The following SLC28A1 variants were observed in gnomAD, a reference collection of about 807,000 sequenced individuals.
The protein encoded by SLC28A1 is sodium/nucleoside cotransporter 1.
A neutral mutation model predicts 74.8 loss-of-function variants in SLC28A1; 64 were observed. The ratio of observed to expected loss-of-function variants is 0.86; its 90% CI spans 0.70 to 1.05. The LOEUF is 1.05. Ranked by LOEUF, SLC28A1 falls within the 50% of genes least tolerant of loss-of-function variation. The pLI is 0.00. For synonymous variants in SLC28A1, 359 were observed against 335.0 expected, an observed-to-expected ratio of 1.07 and a Z score of -0.78; for missense variants, 828 against 822.8, an observed-to-expected ratio of 1.01 and a Z score of -0.08.
chr15:84,903,815 A>G (rs1966849164), intron 6 of SLC28A1, among the ~76,000 whole-genome samples: 2 of 152,172 alleles, frequency 1.3e-5, no homozygotes. Context: ...ATATCCCCTT[A>G]TATAATCCTC....
intron 6 of SLC28A1, chr15:84,895,906 T>C: frequency 1.0e-6 from 1 of 1,002,680 alleles, no homozygotes; most frequent in Non-Finnish European, 1.2e-6. Flanking sequence ...CCTCTCACTT[T>C]CCCAAAGTGA....
rs1262745736 is a variant in SLC28A1 at position 84,935,065 on chromosome 15, C to T, written c.1254C>T (p.Ala418=). ...TCATAGAAGCAGCCAGCACTGGGGC[C>T]GCCATCTCCGTGAAGGTGGTCGCCA... ...QNLIEAASTG[A]AISVKVVANI... Residue 418 remains alanine, a synonymous_variant, in exon 14 of 19, where the codon GCC becomes GCT. Coordinates refer to ENST00000394573, the MANE Select transcript of SLC28A1 (RefSeq NM_004213.5). 7 of 1,613,972 alleles carry T rather than the reference C, an allele frequency of 4.3e-6. No individual in the cohort carries two copies. The highest frequency in any genetic ancestry group is 1.3e-5 in the African/African-American group (1 of 74,936).
the SLC28A1 span, among the ~76,000 whole-genome samples, chr15:84,960,782 CTG>C: frequency 6.6e-6 from 1 of 152,252 alleles, no homozygotes; most frequent in Non-Finnish European, 1.5e-5. Context: ...GCTTCCAAAA[CTG>C]TGTTAACATT....
chr15:84,936,176 C>T (rs998336675), intron 15 of SLC28A1, among the ~76,000 whole-genome samples: 1 of 151,002 alleles, frequency 6.6e-6, no homozygotes, highest in Non-Finnish European at 1.5e-5. Flanking sequence ...ATCTCCTGAC[C>T]TCGTGATCTG....
intron 12 of SLC28A1, among the ~76,000 whole-genome samples, 148 bp from the exon 13 acceptor site, chr15:84,932,991 GTATTAT>G (rs3217613): frequency 1.3e-5 from 2 of 151,688 alleles, no homozygotes; most frequent in African/African-American, 2.4e-5. Flanking sequence ...CACATAAAAG[GTATTAT>G]TATTATTAGT....
intron 15 of SLC28A1, among the ~76,000 whole-genome samples, chr15:84,937,728 C>A (rs1179647797): frequency 6.6e-6 from 1 of 151,282 alleles, no homozygotes; most frequent in East Asian, 1.9e-4. Context: ...ATAGCGAAAC[C>A]CCTTCTCTAC....
intron 12 of SLC28A1, among the ~76,000 whole-genome samples, chr15:84,931,108 G>T (rs935556657): frequency 1.3e-5 from 2 of 151,628 alleles, no homozygotes; most frequent in East Asian, 4.0e-4. Context: ...GTTTCACCAT[G>T]TTGGCTAGGC....
chr15:84,973,092 T>C, the SLC28A1 span, among the ~76,000 whole-genome samples: 2 of 152,162 alleles, frequency 1.3e-5, no homozygotes, highest in Non-Finnish European at 2.9e-5. Context: ...GTCCACCTCT[T>C]CCACCTCATT....
intron 15 of SLC28A1, among the ~76,000 whole-genome samples, chr15:84,942,725 A>G (rs1273580320): frequency 6.6e-6 from 1 of 152,164 alleles, no homozygotes; most frequent in Non-Finnish European, 1.5e-5. Flanking sequence ...TCCCTCTCTC[A>G]GCCTGAGAGC....
At chr15:84,894,909 C>A in intron 5 of SLC28A1, 31 bp from the exon 6 acceptor site, 1 of 1,607,222 alleles carries the variant, frequency 6.2e-7, no homozygotes, top group Non-Finnish European at 8.5e-7. Flanking sequence ...GGTGTCCTGG[C>A]TGTTGACCCC....
the SLC28A1 span, among the ~76,000 whole-genome samples, chr15:84,962,050 A>C: frequency 8.2e-3 from 1,245 of 152,086 alleles, 19 homozygotes; most frequent in African/African-American, 0.028. Context: ...CTTTTGCAAT[A>C]ATCTTGACCT....
At chr15:84,922,153 T>A (rs1969904463) in intron 11 of SLC28A1, among the ~76,000 whole-genome samples, 1 of 152,052 alleles carries the variant, frequency 6.6e-6, no homozygotes, top group Admixed American at 6.6e-5. Context: ...CCATCCACAC[T>A]CCCTCCCTGC....
downstream of SLC28A1, among the ~76,000 whole-genome samples, chr15:84,948,983 T>A (rs1264022146): frequency 6.6e-6 from 1 of 152,214 alleles, no homozygotes; most frequent in Non-Finnish European, 1.5e-5. Flanking sequence ...TTGTCCTTTT[T>A]CCTACTTACC....
intron 12 of SLC28A1, among the ~76,000 whole-genome samples, chr15:84,932,104 C>T (rs1020592495): frequency 5.9e-5 from 9 of 152,166 alleles, no homozygotes; most frequent in Non-Finnish European, 1.2e-4. Flanking sequence ...TCTTTTCATG[C>T]GCCATTTTGG....
chr15:84,900,705 A>T (rs1966583148), intron 6 of SLC28A1, among the ~76,000 whole-genome samples: 1 of 152,004 alleles, frequency 6.6e-6, no homozygotes, highest in African/African-American at 2.4e-5. Flanking sequence ...TTGAGAGGCT[A>T]AGGTAGGAGG....
chr15:84,902,479 C>CAAAA (rs34784696), intron 6 of SLC28A1, among the ~76,000 whole-genome samples: 1 of 142,010 alleles, frequency 7.0e-6, no homozygotes, highest in Non-Finnish European at 1.5e-5. Flanking sequence ...GACTTTGTCT[C>CAAAA]AAAAAAAAAA....
At chr15:84,954,458 G>T in the SLC28A1 span, among the ~76,000 whole-genome samples, 6 of 152,228 alleles carry the variant, frequency 3.9e-5, no homozygotes, top group Non-Finnish European at 8.8e-5. Flanking sequence ...TAGGGAAAAA[G>T]GGACTAACGT....
the SLC28A1 span, chr15:84,961,531 A>T: frequency 0.067 from 30,599 of 453,548 alleles, 1,409 homozygotes; most frequent in African/African-American, 0.16. Context: ...TGTAGAGACG[A>T]GGTCTTGCTA....
intron 6 of SLC28A1, among the ~76,000 whole-genome samples, chr15:84,898,753 G>T (rs1469688988): frequency 6.6e-6 from 1 of 152,136 alleles, no homozygotes; most frequent in East Asian, 1.9e-4. Context: ...TTGAGGATTA[G>T]GAAACAAATG....
Sources: gnomAD v4.1 joint callset for allele counts (sites outside exome capture counted in the v4.1 genomes callset) on GRCh38, gnomAD v4.1.1 for gene constraint, MANE v1.5 for transcripts, NCBI Gene and HGNC (gene_info 2026-07-23, HGNC 2026-07-21) for gene names.